EYS: variants seen among roughly 807,000 people sequenced by gnomAD.
EYS encodes the protein EGF-like photoreceptor maintenance factor.
EYS carries 250 observed loss-of-function variants against 282.1 expected under a neutral mutation model. The observed-to-expected ratio is 0.89, with a 90% confidence interval of 0.80 to 0.98. EYS has a LOEUF of 0.98. Ranked by LOEUF, EYS falls within the 50% of genes least tolerant of loss-of-function variation. The pLI, the probability that EYS is intolerant of heterozygous loss-of-function variation, is 0.00. For synonymous variants in EYS, 1,355 were observed against 1,282.9 expected (o/e 1.06, Z -1.20); for missense variants, 4,016 against 3,709.0 (o/e 1.08, Z -2.15).
At chr6:65,613,511 G>T (rs1766076011) in intron 2 of EYS, among the ~76,000 whole-genome samples, 1 of 151,792 alleles carries the variant, frequency 6.6e-6, no homozygotes, top group South Asian at 2.1e-4. Context: ...AAGAAAGAAA[G>T]AAATGGACCC....
At chr6:64,981,062 T>C (rs898811085) in intron 14 of EYS, among the ~76,000 whole-genome samples, 2 of 151,424 alleles carry the variant, frequency 1.3e-5, no homozygotes, top group East Asian at 1.9e-4. Context: ...TCAATAATTA[T>C]AGAATTTGCC....
At chr6:63,863,675 C>CTTTTCTTTTCTTTTCTTTTTTT (rs1772597256) in intron 36 of EYS, among the ~76,000 whole-genome samples, 8 of 60,054 alleles carry the variant, frequency 1.3e-4, no homozygotes, top group African/African-American at 2.8e-4. Context: ...TTTCTTTTTT[C>CTTTTCTTTTCTTTTCTTTTTTT]TTTTTTTTTT....
chr6:65,369,129 A>T (rs2150339822), intron 8 of EYS, among the ~76,000 whole-genome samples: 1 of 150,898 alleles, frequency 6.6e-6, no homozygotes, highest in Non-Finnish European at 1.5e-5. Flanking sequence ...CATGACTAAT[A>T]ATATACATAG....
intron 22 of EYS, among the ~76,000 whole-genome samples, chr6:64,731,804 T>C (rs191573888): frequency 6.6e-6 from 1 of 152,300 alleles, no homozygotes; most frequent in Non-Finnish European, 1.5e-5. Context: ...AGCAATCCCA[T>C]TACTGCGCAT....
rs1225840989 is a variant in EYS at position 64,542,164 on chromosome 6, A to G, written c.5644+48059T>C. Among the ~76,000 whole-genome samples, 4 of 152,108 alleles carry G rather than the reference A, an allele frequency of 2.6e-5. No homozygotes were observed. The East Asian group carries it at 7.7e-4, about 29-fold the overall frequency. ...TCTGAATTTTGATGAGCAAATCAAC[A>G]AGTTCAGTTTTCCATCAAGAAAGAA... On this transcript the variant is annotated intron_variant, in intron 26 of 42. Transcript: ENST00000503581.
In EYS at chr6:64,411,680, A is replaced by G. The variant is rs139373172; in HGVS notation, c.5928-22840T>C. ...CAACATAGTGAGATCCTACCAATAT[A>G]CAAAAGTTTATTTCAAAACTAGCCA... On this transcript the variant is annotated intron_variant, in intron 28 of 42. Coordinates refer to ENST00000503581, the MANE Select transcript of EYS (RefSeq NM_001142800.2). Among the ~76,000 whole-genome samples, 550 of 152,090 alleles carry G rather than the reference A, an allele frequency of 3.6e-3. 3 individuals carry two copies. Among genetic ancestry groups the G allele is most frequent in the African/African-American group, 0.013 (528 of 41,508 alleles).
At chr6:64,188,382 A>G (rs1765008073) in intron 31 of EYS, among the ~76,000 whole-genome samples, 2 of 152,160 alleles carry the variant, frequency 1.3e-5, no homozygotes, top group African/African-American at 4.8e-5. Context: ...TCATTGAACT[A>G]GGGTTGCAAT....
At chr6:64,065,450 AATGCCCC>A (rs763682018) in intron 33 of EYS, among the ~76,000 whole-genome samples, 2 of 152,194 alleles carry the variant, frequency 1.3e-5, no homozygotes, top group Non-Finnish European at 2.9e-5. Flanking sequence ...TTTGTTTAGT[AATGCCCC>A]TGAGATGTGA....
intron 26 of EYS, among the ~76,000 whole-genome samples, chr6:64,472,043 TG>T (rs1207932186): frequency 2.0e-5 from 3 of 152,362 alleles, no homozygotes; most frequent in Admixed American, 6.5e-5. Context: ...ATTGTGTACA[TG>T]TATTACGATA....
chr6:65,381,594 G>A (rs1042753491), intron 8 of EYS, among the ~76,000 whole-genome samples: 7 of 151,902 alleles, frequency 4.6e-5, no homozygotes, highest in Non-Finnish European at 1.0e-4. Flanking sequence ...TGTAACGAAC[G>A]TTTACATTCA....
At chr6:63,993,763 T>C (rs1279005675) in intron 34 of EYS, among the ~76,000 whole-genome samples, 1 of 151,888 alleles carries the variant, frequency 6.6e-6, no homozygotes, top group Non-Finnish European at 1.5e-5. Flanking sequence ...CATACCAAAA[T>C]TCCAAAGATA....
chr6:64,074,657 A>T (rs1771704049), intron 32 of EYS, among the ~76,000 whole-genome samples: 1 of 151,832 alleles, frequency 6.6e-6, no homozygotes, highest in African/African-American at 2.4e-5. Flanking sequence ...AAAATCTAAC[A>T]TCATTCCTTA....
At chr6:64,695,265 G>A (rs1057403570) in intron 22 of EYS, among the ~76,000 whole-genome samples, 35 of 152,044 alleles carry the variant, frequency 2.3e-4, no homozygotes, top group Admixed American at 1.5e-3. Context: ...TGCCACCAAT[G>A]CAGCTGACTC....
chr6:64,315,343 A>G (rs1258480300), intron 29 of EYS, among the ~76,000 whole-genome samples: 1 of 152,248 alleles, frequency 6.6e-6, no homozygotes, highest in African/African-American at 2.4e-5. Context: ...AGGTACAAAG[A>G]GGAGCTGGTA....
chr6:64,335,520 G>T lies in EYS; in HGVS notation c.6079-28438C>A, dbSNP rs201290400. The stretch of plus-strand genomic sequence containing the variant: ...TGTAACTCGCTTCCTGTCTCACGTA[G>T]TTCCCACCTTAAGATGTTTAAAAGT... On this transcript the variant is annotated intron_variant, in intron 29 of 42. Coordinates refer to ENST00000503581, the MANE Select transcript of EYS (RefSeq NM_001142800.2). 6.6e-5 allele frequency among the ~76,000 whole-genome samples: 10 copies of T among 152,210 alleles called. No homozygotes were observed. In the East Asian group the frequency reaches 1.7e-3, roughly 26 times the overall value.
At chr6:64,874,943 G>C (rs1766699638) in intron 19 of EYS, among the ~76,000 whole-genome samples, 1 of 152,044 alleles carries the variant, frequency 6.6e-6, no homozygotes, top group Non-Finnish European at 1.5e-5. Context: ...AGATCACTCA[G>C]TACAGCTCAT....
At chr6:65,606,707 T>A in intron 2 of EYS, among the ~76,000 whole-genome samples, 1 of 151,826 alleles carries the variant, frequency 6.6e-6, no homozygotes, top group East Asian at 1.9e-4. Flanking sequence ...AAATGAAAAG[T>A]AAAAGTTAAA....
chr6:63,851,675 T>C (rs139259501), intron 36 of EYS, among the ~76,000 whole-genome samples: 2 of 152,174 alleles, frequency 1.3e-5, no homozygotes, highest in East Asian at 3.9e-4. Flanking sequence ...CAAAGCAGTG[T>C]TTAGAGGGAA....
chr6:65,627,682 C>T lies in EYS; in HGVS notation c.-333+12096G>A, dbSNP rs147202442. ...GCACCAGGCAATGAGGGACTTAGCACCCGGGCCAGTGGCTGCGGAGAGTGA... is the reference window on the plus strand; with the variant it reads ...GCACCAGGCAATGAGGGACTTAGCATCCGGGCCAGTGGCTGCGGAGAGTGA... On this transcript the variant is annotated intron_variant, in intron 2 of 42. Transcript: ENST00000503581. Among the ~76,000 whole-genome samples, 1,080 of 152,322 alleles carry T rather than the reference C, an allele frequency of 7.1e-3. 11 individuals are homozygous for T. Among genetic ancestry groups the T allele is most frequent in the African/African-American group, 0.023 (951 of 41,582 alleles).
Sources: gnomAD v4.1 joint callset for allele counts (sites outside exome capture counted in the v4.1 genomes callset) on GRCh38, gnomAD v4.1.1 for gene constraint, MANE v1.5 for transcripts, NCBI Gene and HGNC (gene_info 2026-07-23, HGNC 2026-07-21) for gene names.